Variants in ABCE1 observed in about 807,000 individuals in gnomAD.
ABCE1 encodes ATP-binding cassette sub-family E member 1.
A neutral mutation model predicts 83.4 loss-of-function variants in ABCE1; 22 were observed. The ratio of observed to expected loss-of-function variants is 0.26; its 90% CI spans 0.19 to 0.38. The LOEUF is 0.38. ABCE1 is among the 10% of genes least tolerant of loss of function. ABCE1 has a pLI of 1.00. For missense variants in ABCE1, 330 were observed against 721.9 expected, an observed-to-expected ratio of 0.46 and a Z score of 6.22; for synonymous variants, 204 against 233.7, an observed-to-expected ratio of 0.87 and a Z score of 1.16.
intron 9 of ABCE1, 89 bp from the exon 10 acceptor site, chr4:145,117,204 T>G: frequency 4.3e-6 from 5 of 1,155,442 alleles, no homozygotes; most frequent in Non-Finnish European, 5.9e-6. Context: ...TATGCTTAAA[T>G]TTTATTAGAT....
chr4:145,114,883 T>C (rs561887026), intron 9 of ABCE1, among the ~76,000 whole-genome samples: 4 of 152,042 alleles, frequency 2.6e-5, no homozygotes, highest in Non-Finnish European at 5.9e-5. Flanking sequence ...TAAAGAGTCA[T>C]AAAAAGTATA....
In ABCE1 at chr4:145,110,362, T is replaced by C. The variant is rs1300260101; in HGVS notation, c.544-13T>C. On this transcript the variant is annotated splice_polypyrimidine_tract_variant and intron_variant, in intron 6 of 17. Transcript: ENST00000296577. ...GAAAGAAAATAGTAACTGTTTTTGG[T>C]ATATTGTGGCAGGGGACAGTGGGAT... 1 of 1,611,510 alleles carries C rather than the reference T, an allele frequency of 6.2e-7. No individual in the cohort carries two copies.
intron 17 of ABCE1, 47 bp from the exon 18 acceptor site, chr4:145,127,479 A>C: frequency 6.6e-7 from 1 of 1,522,040 alleles, no homozygotes; most frequent in Non-Finnish European, 9.0e-7. Context: ...TTTTACCTAT[A>C]GTAGAATCGT....
chr4:145,099,286 A>T (rs1286932205), intron 1 of ABCE1, among the ~76,000 whole-genome samples: 1 of 152,206 alleles, frequency 6.6e-6, no homozygotes, highest in African/African-American at 2.4e-5. Flanking sequence ...AATCTATAAG[A>T]GGAAGAACTG....
rs773712695 is a variant in ABCE1, at chr4:145,104,383, T to C, written c.-27-3T>C. 3 of 1,476,942 alleles carry C rather than the reference T, an allele frequency of 2.0e-6. No individual in the cohort carries two copies. Among genetic ancestry groups the C allele is most frequent in the African/African-American group, 1.4e-5 (1 of 70,614 alleles). 91.5% of individuals were successfully genotyped at this position (1,476,942 alleles called of 1,614,324 possible). ...ATTAAATTTGTTGATTTTTCTTTCA[T>C]AGAAGAGCTGGATATTCTTTCGCCC... On this transcript the variant is annotated splice_region_variant and splice_polypyrimidine_tract_variant and intron_variant, in intron 1 of 17. Coordinates refer to ENST00000296577, the MANE Select transcript of ABCE1 (RefSeq NM_002940.3).
At chr4:145,116,642 T>C (rs929675190) in intron 9 of ABCE1, among the ~76,000 whole-genome samples, 1 of 151,910 alleles carries the variant, frequency 6.6e-6, no homozygotes, top group African/African-American at 2.4e-5. Context: ...ATTACTTGCG[T>C]CTAAAACTTC....
chr4:145,115,095 A>G (rs1443159840), intron 9 of ABCE1, among the ~76,000 whole-genome samples: 5 of 151,920 alleles, frequency 3.3e-5, no homozygotes, highest in African/African-American at 1.2e-4. Context: ...AATTAACTGT[A>G]GGGTATACAT....
chr4:145,121,744 C>T lies in ABCE1; in HGVS notation c.1263+353C>T, dbSNP rs187182808. The T allele has an allele frequency of 4.1e-5, 8 of 193,852 alleles. No homozygotes were observed. In the East Asian group the frequency reaches 1.2e-3, roughly 29 times the overall value. 12.0% of individuals were successfully genotyped at this position (193,852 alleles called of 1,614,324 possible). ...AAAAACTAGCCGAGCGTGGTGGCAGCGCCTGTAGTCCCAGCTACTCAGGAG... is the reference window on the plus strand; with the variant it reads ...AAAAACTAGCCGAGCGTGGTGGCAGTGCCTGTAGTCCCAGCTACTCAGGAG... On this transcript the variant is annotated intron_variant, in intron 13 of 17. Coordinates refer to ENST00000296577, the MANE Select transcript of ABCE1 (RefSeq NM_002940.3).
intron 16 of ABCE1, 108 bp from the exon 17 acceptor site, chr4:145,124,882 T>C (rs1373043029): frequency 1.4e-6 from 1 of 705,004 alleles, no homozygotes; most frequent in Non-Finnish European, 2.4e-6. Context: ...AGATGATTTA[T>C]GATTGGGGAA....
chr4:145,120,665 T>A (rs1749716929), intron 11 of ABCE1, among the ~76,000 whole-genome samples: 1 of 152,090 alleles, frequency 6.6e-6, no homozygotes, highest in South Asian at 2.1e-4. Flanking sequence ...ATTGCCTTCA[T>A]GATTTAAGAA....
At position 145,123,069 on chromosome 4, in the gene ABCE1, C is replaced by T; in HGVS notation, c.1312C>T (p.His438Tyr). 1 of 1,606,462 alleles carries T rather than the reference C, an allele frequency of 6.2e-7. No individual in the cohort carries two copies. Among genetic ancestry groups the T allele is most frequent in the Non-Finnish European group, 8.5e-7 (1 of 1,177,750 alleles). The change falls in exon 14 of 18, where the codon CAC becomes TAC. Residue 438 changes from histidine to tyrosine, a missense_variant. By Grantham distance (83) the His-to-Tyr change is moderately conservative. Coordinates refer to ENST00000296577, the MANE Select transcript of ABCE1 (RefSeq NM_002940.3). ...TGAAAAGATAAGAGATGCTTATACT[C>T]ACCCACAATTTGTGACCGATGTAAT... ...LHEKIRDAYT[H>Y]PQFVTDVMKP... is the part of the protein sequence containing the mutation.
intron 10 of ABCE1, 98 bp downstream of exon 10, chr4:145,117,512 TATC>T: frequency 8.6e-7 from 1 of 1,157,818 alleles, no homozygotes; most frequent in Non-Finnish European, 1.2e-6. Context: ...ATTGGTCTGA[TATC>T]ATCCAAAACT....
At chr4:145,110,911 C>A in intron 7 of ABCE1, 57 bp from the exon 8 acceptor site, 1 of 1,202,646 alleles carries the variant, frequency 8.3e-7, no homozygotes, top group Non-Finnish European at 1.2e-6. Context: ...ATGCAGTATA[C>A]TTTTTACCTG....
At position 145,128,276 on chromosome 4, in the gene ABCE1, A is replaced by T. The variant is rs72718295; in HGVS notation, c.*703A>T. On this transcript the variant is annotated 3_prime_UTR_variant, in exon 18 of 18. Coordinates refer to ENST00000296577, the MANE Select transcript of ABCE1 (RefSeq NM_002940.3). ...GTTTTTGCATTCCATGAGGTTCTGT[A>T]TTCAGTCATTCTCTAGGTAATGTCA... The T allele has an allele frequency of 3.5e-3, 528 of 152,702 alleles. 4 individuals carry two copies. The highest frequency in any genetic ancestry group is 0.024 in the Middle Eastern group (7 of 294). 9.5% of individuals were successfully genotyped at this position (152,702 alleles called of 1,614,324 possible).
At chr4:145,110,527 G>C in intron 7 of ABCE1, 83 bp downstream of exon 7, 1 of 1,320,164 alleles carries the variant, frequency 7.6e-7, no homozygotes. Context: ...CCAGGCTGGG[G>C]TGCAATGATG....
At chr4:145,107,164 A>G (rs959304) in intron 3 of ABCE1, among the ~76,000 whole-genome samples, 150,153 of 152,176 alleles carry the variant, frequency 0.99, 74,110 homozygotes, top group East Asian at 1. Context: ...TATGTGTTTT[A>G]TTTTGTTTTT....
chr4:145,118,583 T>C (rs1044643982), intron 10 of ABCE1, among the ~76,000 whole-genome samples: 6 of 151,834 alleles, frequency 4.0e-5, no homozygotes, highest in African/African-American at 1.2e-4. Context: ...CTATACCATA[T>C]GGTAGTCTTT....
intron 1 of ABCE1, 29 bp from the exon 2 acceptor site, chr4:145,104,357 C>A: frequency 1.8e-6 from 2 of 1,134,268 alleles, no homozygotes; most frequent in Non-Finnish European, 2.5e-6. Flanking sequence ...TAACTAATGG[C>A]ATTAAATTTG....
At chr4:145,121,853 CA>C (rs1189715213) in intron 13 of ABCE1, 1 of 151,896 alleles carries the variant, frequency 6.6e-6, no homozygotes, top group East Asian at 1.9e-4. Flanking sequence ...GCCTGGGCGA[CA>C]AAGCGAGAGT....
Sources: allele counts gnomAD v4.1 joint callset (sites outside exome capture counted in the v4.1 genomes callset), GRCh38; gene constraint gnomAD v4.1.1; transcripts MANE v1.5; gene names NCBI Gene and HGNC (gene_info 2026-07-23, HGNC 2026-07-21).